HSD17B7: variants seen among roughly 807,000 people sequenced by gnomAD.
HSD17B7 encodes 3-keto-steroid reductase/17-beta-hydroxysteroid dehydrogenase 7.
In HSD17B7, 17 loss-of-function variants were observed where a neutral mutation model predicts 34.1. The observed-to-expected ratio is 0.50, with a 90% CI of 0.34 to 0.75. The LOEUF is 0.75. Among genes scored for constraint, HSD17B7 ranks in the 30% least tolerant of loss-of-function variants. The pLI is 0.01. For missense variants in HSD17B7, 296 were observed against 406.6 expected, an observed-to-expected ratio of 0.73 and a Z score of 2.34; for synonymous variants, 122 against 154.6, an observed-to-expected ratio of 0.79 and a Z score of 1.56.
chr1:162,812,024 T>C (rs1649185710), intron 8 of HSD17B7, among the ~76,000 whole-genome samples: 1 of 152,204 alleles, frequency 6.6e-6, no homozygotes, highest in Admixed American at 6.5e-5. Flanking sequence ...GTGTCTTCTG[T>C]TACTGGGCAT....
At chr1:162,805,209 G>T (rs1056028215) in intron 7 of HSD17B7, among the ~76,000 whole-genome samples, 185 bp from the exon 8 acceptor site, 5 of 152,216 alleles carry the variant, frequency 3.3e-5, no homozygotes, top group African/African-American at 1.2e-4. Flanking sequence ...GGTTGTAGAA[G>T]CAAGTGCTTT....
At chr1:162,806,815 A>G (rs1354078089) in intron 8 of HSD17B7, among the ~76,000 whole-genome samples, 1 of 152,226 alleles carries the variant, frequency 6.6e-6, no homozygotes, top group Non-Finnish European at 1.5e-5. Context: ...ATGGAAATGC[A>G]TTGAAGAAAG....
chr1:162,796,328 T>G (rs1397540813), intron 2 of HSD17B7, among the ~76,000 whole-genome samples: 4 of 152,112 alleles, frequency 2.6e-5, no homozygotes, highest in Non-Finnish European at 5.9e-5. Context: ...CTCCACAGAT[T>G]CTGTTTGAAG....
chr1:162,796,518 G>A (rs1240345281), intron 2 of HSD17B7, 67 bp from the exon 3 acceptor site: 5 of 972,116 alleles, frequency 5.1e-6, no homozygotes, highest in Non-Finnish European at 8.3e-6. Flanking sequence ...TCTAGAGATA[G>A]AATACACAAT....
chr1:162,808,380 A>G (rs960092851), intron 8 of HSD17B7, among the ~76,000 whole-genome samples: 2 of 152,130 alleles, frequency 1.3e-5, no homozygotes, highest in Non-Finnish European at 2.9e-5. Context: ...GCCTTGTAGT[A>G]TAGTTTGAAG....
chr1:162,812,223 A>T (rs1047671152), intron 8 of HSD17B7, 75 bp from the exon 9 acceptor site: 3 of 1,511,200 alleles, frequency 2.0e-6, no homozygotes, highest in Non-Finnish European at 1.8e-6. Context: ...CATATATTGA[A>T]TGCCTTTTTT....
Position 162,796,652 on chromosome 1 carries a change from G to A in HSD17B7, c.307G>A (p.Ala103Thr), listed in dbSNP as rs772217944. 3 of 1,610,484 alleles carry A rather than the reference G, an allele frequency of 1.9e-6. No individual in the cohort carries two copies. Among genetic ancestry groups the A allele is most frequent in the East Asian group, 2.2e-5 (1 of 44,822 alleles). ...IMPNPQLNIK[A>T]LFFGLFSRKV... ...GCCTAATCCACAACTAAATATCAAA[G>A]CACTTTTCTTTGGCCTCTTTTCAAG... is the stretch of plus-strand genomic sequence containing the variant. The change falls in exon 3 of 9, where the codon GCA (alanine) becomes ACA (threonine). Residue 103 changes from alanine (A) to threonine (T), a missense_variant. Physicochemically the swap from Ala to Thr is moderately conservative, Grantham distance 58. Transcript: ENST00000254521.
chr1:162,792,975 A>G, intron 2 of HSD17B7, 113 bp downstream of exon 2: 1 of 970,888 alleles, frequency 1.0e-6, no homozygotes, highest in Non-Finnish European at 1.6e-6. Context: ...GTAAGCAGTT[A>G]TGTTGAGGAA....
At chr1:162,805,319 C>T in intron 7 of HSD17B7, 75 bp from the exon 8 acceptor site, 1 of 1,560,626 alleles carries the variant, frequency 6.4e-7, no homozygotes, top group African/African-American at 1.4e-5. Flanking sequence ...CTATAAAGTG[C>T]AGATTGTGAA....
chr1:162,797,229 A>G (rs1648641905), intron 3 of HSD17B7: 1 of 159,846 alleles, frequency 6.3e-6, no homozygotes, highest in Non-Finnish European at 1.4e-5. Context: ...TGTGCTGCTT[A>G]CTATACCAAT....
At position 162,796,585 on chromosome 1, in the gene HSD17B7, G is replaced by A. The variant is rs139465501; in HGVS notation, c.240G>A (p.Arg80=). The A allele has an allele frequency of 6.3e-7, 1 of 1,593,260 alleles. No homozygotes were observed. The highest frequency in any genetic ancestry group is 8.6e-7 in the Non-Finnish European group (1 of 1,161,600). ...VFRASKELKQ[R]FQRLDCIYLN... ...ATCTTGTTTGGTGGTTTACTTGCAG[G>A]TTTCAGAGATTAGACTGTATATATC... Residue 80 remains arginine, a splice_region_variant and synonymous_variant, in exon 3 of 9, where the codon AGG becomes AGA. Coordinates refer to ENST00000254521, the MANE Select transcript of HSD17B7 (RefSeq NM_016371.4).
At chr1:162,801,923 G>A (rs948524383) in intron 5 of HSD17B7, among the ~76,000 whole-genome samples, 3 of 152,274 alleles carry the variant, frequency 2.0e-5, no homozygotes, top group African/African-American at 7.2e-5. Context: ...TATCTTTTAC[G>A]AAGGAGGGAG....
chr1:162,800,977 A>G (rs1366442933), intron 5 of HSD17B7, among the ~76,000 whole-genome samples: 1 of 152,098 alleles, frequency 6.6e-6, no homozygotes, highest in Non-Finnish European at 1.5e-5. Flanking sequence ...GGCTCTTAGA[A>G]TGATGCCCCC....
chr1:162,802,219 T>A (rs1327288163), intron 5 of HSD17B7, among the ~76,000 whole-genome samples: 1 of 152,144 alleles, frequency 6.6e-6, no homozygotes, highest in East Asian at 1.9e-4. Context: ...TAAGATTGTC[T>A]TCTTCTTTCT....
At chr1:162,804,349 T>G in intron 7 of HSD17B7, 26 bp downstream of exon 7, 1 of 1,394,644 alleles carries the variant, frequency 7.2e-7, no homozygotes, top group Non-Finnish European at 1.0e-6. Context: ...TTTTATAACT[T>G]GTATGATGAC....
intron 2 of HSD17B7, among the ~76,000 whole-genome samples, chr1:162,793,216 G>A (rs1648479391): frequency 6.6e-6 from 1 of 151,998 alleles, no homozygotes; most frequent in African/African-American, 2.4e-5. Context: ...TGTATTTTTA[G>A]TAGAGACGGG....
intron 4 of HSD17B7, among the ~76,000 whole-genome samples, chr1:162,799,264 C>T (rs1386945530): frequency 3.3e-5 from 5 of 152,140 alleles, no homozygotes; most frequent in African/African-American, 4.8e-5. Context: ...CCACTGGGAA[C>T]GCTTTCAGTT....
At chr1:162,802,795 A>G (rs888515001) in intron 5 of HSD17B7, 3 of 152,264 alleles carry the variant, frequency 2.0e-5, no homozygotes, top group Non-Finnish European at 4.4e-5. Flanking sequence ...CCTTTGTATT[A>G]ACATAAGCTC....
chr1:162,805,538 T>C, intron 8 of HSD17B7, 46 bp downstream of exon 8: 1 of 1,601,446 alleles, frequency 6.2e-7, no homozygotes, highest in Admixed American at 1.7e-5. Flanking sequence ...GTTGGGTTGA[T>C]GAATTAAGCC....
Sources: allele counts gnomAD v4.1 joint callset (sites outside exome capture counted in the v4.1 genomes callset), GRCh38; gene constraint gnomAD v4.1.1; transcripts MANE v1.5; gene names NCBI Gene and HGNC (gene_info 2026-07-23, HGNC 2026-07-21).